The following ADCYAP1R1 variants were observed in gnomAD, a reference collection of about 807,000 sequenced individuals.
The protein encoded by ADCYAP1R1 is ADCYAP receptor type I.
ADCYAP1R1 carries 44 observed loss-of-function variants against 67.6 expected under a neutral mutation model. That is an observed-to-expected ratio of 0.65 (90% CI 0.51 to 0.84). The LOEUF (loss-of-function observed/expected upper bound fraction) is 0.84. Among genes scored for constraint, ADCYAP1R1 ranks in the 40% least tolerant of loss-of-function variants. The pLI is 0.00. For missense variants in ADCYAP1R1, 477 were observed against 587.9 expected (o/e 0.81, Z 1.95); for synonymous variants, 222 against 219.6 (o/e 1.01, Z -0.10).
At chr7:31,055,152 C>A (rs890430472) in intron 1 of ADCYAP1R1, among the ~76,000 whole-genome samples, 18 of 152,092 alleles carry the variant, frequency 1.2e-4, no homozygotes, top group Non-Finnish European at 2.5e-4. Context: ...TTCTATGACA[C>A]CTGCCAGAGA....
At chr7:31,058,266 A>G (rs1794341632) in intron 1 of ADCYAP1R1, among the ~76,000 whole-genome samples, 1 of 152,102 alleles carries the variant, frequency 6.6e-6, no homozygotes, top group Non-Finnish European at 1.5e-5. Flanking sequence ...CTCTGCACGG[A>G]GATGTGGAAA....
intron 6 of ADCYAP1R1, among the ~76,000 whole-genome samples, chr7:31,083,289 C>T (rs1019808657): frequency 1.3e-4 from 20 of 152,172 alleles, no homozygotes; most frequent in Non-Finnish European, 2.9e-4. Context: ...TATAAACCAT[C>T]GGGTGAAGGG....
intron 13 of ADCYAP1R1, chr7:31,100,006 T>A: frequency 1.1e-6 from 1 of 942,306 alleles, no homozygotes; most frequent in Non-Finnish European, 1.6e-6. Context: ...CTCATTCTCC[T>A]CCACATGACT....
chr7:31,063,852 A>C (rs771147597), intron 2 of ADCYAP1R1, among the ~76,000 whole-genome samples: 1 of 152,186 alleles, frequency 6.6e-6, no homozygotes, highest in Non-Finnish European at 1.5e-5. Flanking sequence ...CTGTGTGGCC[A>C]TAGACAAGCC....
At chr7:31,062,115 A>G (rs1001210620) in intron 1 of ADCYAP1R1, among the ~76,000 whole-genome samples, 2 of 152,192 alleles carry the variant, frequency 1.3e-5, no homozygotes, top group African/African-American at 4.8e-5. Flanking sequence ...ATGTGCTTGC[A>G]TATGCTTCTT....
At chr7:31,059,744 G>T (rs974180440) in intron 1 of ADCYAP1R1, among the ~76,000 whole-genome samples, 4 of 152,184 alleles carry the variant, frequency 2.6e-5, no homozygotes, top group Non-Finnish European at 4.4e-5. Flanking sequence ...GCGTTGTCCA[G>T]TTGGGGGCAG....
At chr7:31,057,756 C>G (rs1445934551) in intron 1 of ADCYAP1R1, among the ~76,000 whole-genome samples, 5 of 152,186 alleles carry the variant, frequency 3.3e-5, no homozygotes, top group Non-Finnish European at 7.4e-5. Context: ...CCTTCTGTCC[C>G]TTGTTCCTGG....
chr7:31,099,949 C>A (rs1391991129), intron 13 of ADCYAP1R1, among the ~76,000 whole-genome samples: 1 of 152,224 alleles, frequency 6.6e-6, no homozygotes, highest in Non-Finnish European at 1.5e-5. Flanking sequence ...CACGTATAGG[C>A]GTGCGTTTCT....
chr7:31,052,838 G>A (rs955832805), intron 1 of ADCYAP1R1, among the ~76,000 whole-genome samples, 160 bp downstream of exon 1: 13 of 152,160 alleles, frequency 8.5e-5, no homozygotes, highest in African/African-American at 3.1e-4. Flanking sequence ...CCGGCGCCAG[G>A]CAAGCCTCCC....
intron 1 of ADCYAP1R1, among the ~76,000 whole-genome samples, chr7:31,062,592 C>T (rs547575886): frequency 3.2e-4 from 49 of 152,316 alleles, no homozygotes; most frequent in African/African-American, 1.2e-3. Context: ...GGTTGCTTGG[C>T]GATCCTGCCT....
chr7:31,085,487 C>G (rs369719721), intron 9 of ADCYAP1R1, 45 bp downstream of exon 9: 5 of 1,574,746 alleles, frequency 3.2e-6, no homozygotes, highest in Non-Finnish European at 4.3e-6. Context: ...CGGGAAGGTC[C>G]CGCACCATCC....
intron 8 of ADCYAP1R1, 119 bp from the exon 9 acceptor site, chr7:31,085,191 C>A: frequency 7.2e-7 from 1 of 1,386,706 alleles, no homozygotes; most frequent in Non-Finnish European, 9.8e-7. Flanking sequence ...AGGAGGGTGG[C>A]CTGGGTGGGA....
chr7:31,069,796 A>G (rs1316452283), intron 3 of ADCYAP1R1, among the ~76,000 whole-genome samples: 1 of 152,184 alleles, frequency 6.6e-6, no homozygotes, highest in African/African-American at 2.4e-5. Flanking sequence ...AATGGGGGTG[A>G]AAAATAGAGC....
At chr7:31,060,789 C>T (rs930537160) in intron 1 of ADCYAP1R1, among the ~76,000 whole-genome samples, 5 of 152,268 alleles carry the variant, frequency 3.3e-5, no homozygotes, top group East Asian at 3.9e-4. Flanking sequence ...TTGCTGCCAC[C>T]GGCTCCCCCA....
At chr7:31,090,344 T>A (rs552034293) in intron 12 of ADCYAP1R1, among the ~76,000 whole-genome samples, 1 of 152,352 alleles carries the variant, frequency 6.6e-6, no homozygotes, top group East Asian at 1.9e-4. Context: ...TTTCTCCTTT[T>A]TCATTGACTA....
At chr7:31,062,996 C>A (rs1794572011) in intron 1 of ADCYAP1R1, among the ~76,000 whole-genome samples, 198 bp from the exon 2 acceptor site, 1 of 152,212 alleles carries the variant, frequency 6.6e-6, no homozygotes, top group Non-Finnish European at 1.5e-5. Flanking sequence ...TCGCCAGCAC[C>A]TAGCACAGAC....
chr7:31,104,915 A>C lies in ADCYAP1R1; in HGVS notation c.1218+6A>C. On this transcript the variant is annotated splice_donor_region_variant and intron_variant, in intron 15 of 15. Transcript: ENST00000304166. ...ACTGTTTTCTGAATGGTGAGGTAAG[A>C]CCTTGGCCCTCTGGCTTCTTGGCAG... 1 of 1,614,058 alleles carries C rather than the reference A, an allele frequency of 6.2e-7. No homozygotes were observed. Among genetic ancestry groups the C allele is most frequent in the East Asian group, 2.2e-5 (1 of 44,874 alleles).
intron 5 of ADCYAP1R1, among the ~76,000 whole-genome samples, chr7:31,081,266 A>G (rs114906468): frequency 1.4e-3 from 214 of 152,266 alleles, no homozygotes; most frequent in African/African-American, 5.0e-3. Context: ...AGTCTTCTGG[A>G]TTCCCTTTGA....
chr7:31,084,937 C>G, intron 8 of ADCYAP1R1, 103 bp downstream of exon 8: 1 of 1,118,024 alleles, frequency 8.9e-7, no homozygotes, highest in Non-Finnish European at 1.4e-6. Context: ...CCTAGAAGAC[C>G]CCTTTGAAGG....
Sources: gnomAD v4.1 joint callset for allele counts (sites outside exome capture counted in the v4.1 genomes callset) on GRCh38, gnomAD v4.1.1 for gene constraint, MANE v1.5 for transcripts, NCBI Gene and HGNC (gene_info 2026-07-23, HGNC 2026-07-21) for gene names.